BAIAP2L1: variants seen among roughly 807,000 people sequenced by gnomAD.
The protein encoded by BAIAP2L1 is BAR/IMD domain containing adaptor protein 2 like 1.
Under a neutral mutation model 66.3 loss-of-function variants are expected in BAIAP2L1, and 35 were observed. The observed-to-expected ratio is 0.53, with a 90% CI of 0.40 to 0.70. BAIAP2L1 has a LOEUF of 0.70. BAIAP2L1 is among the 30% of genes least tolerant of loss of function. The pLI is 0.00. For synonymous variants in BAIAP2L1, 269 were observed against 248.7 expected (o/e 1.08, Z -0.77); for missense variants, 622 against 656.9 (o/e 0.95, Z 0.58).
chr7:98,375,043 T>A (rs949188986), intron 1 of BAIAP2L1, among the ~76,000 whole-genome samples: 1 of 151,324 alleles, frequency 6.6e-6, no homozygotes, highest in Non-Finnish European at 1.5e-5. Context: ...GCCGAGATTG[T>A]GCCATTGCAC....
At chr7:98,343,109 T>A (rs761138924) in intron 3 of BAIAP2L1, among the ~76,000 whole-genome samples, 3 of 151,792 alleles carry the variant, frequency 2.0e-5, no homozygotes, top group Admixed American at 6.6e-5. Flanking sequence ...AATTAAACAG[T>A]GGGAGCGGCC....
At position 98,307,830 on chromosome 7, in the gene BAIAP2L1, T is replaced by C. The variant is rs1010474038; in HGVS notation, c.1022A>G (p.Lys341Arg). 2 of 1,614,244 alleles carry C rather than the reference T, an allele frequency of 1.2e-6. No homozygotes were observed. The highest frequency in any genetic ancestry group is 1.7e-6 in the Non-Finnish European group (2 of 1,180,046). The change falls in exon 10 of 14, where the codon AAG becomes AGG. Residue 341 changes from lysine to arginine, a missense_variant. Physicochemically the swap from Lys to Arg is conservative, Grantham distance 26. Transcript: ENST00000005260. Reference sequence around the variant, plus strand: ...CGGGAAGATGGTCTTCACTTTCTGCTTCTTCATCATGTTCAGTCCCGTTGC... The same window carrying C: ...CGGGAAGATGGTCTTCACTTTCTGCCTCTTCATCATGTTCAGTCCCGTTGC... ...SVATGLNMMK[K>R]QKVKTIFPHT...
At chr7:98,310,359 T>C in intron 9 of BAIAP2L1, 86 bp downstream of exon 9, 1 of 1,453,026 alleles carries the variant, frequency 6.9e-7, no homozygotes, top group East Asian at 2.4e-5. Context: ...AACCTTGCAA[T>C]ACATTTATAC....
At chr7:98,376,506 T>C (rs1802634107) in intron 1 of BAIAP2L1, among the ~76,000 whole-genome samples, 1 of 150,608 alleles carries the variant, frequency 6.6e-6, no homozygotes, top group South Asian at 2.1e-4. Flanking sequence ...GAGGGAGACC[T>C]TGTCTCAAAA....
At chr7:98,355,332 C>T in intron 2 of BAIAP2L1, 1 of 582,338 alleles carries the variant, frequency 1.7e-6, no homozygotes, top group Non-Finnish European at 3.1e-6. Context: ...CCCATGAGAT[C>T]CTCGTCTCTG....
chr7:98,328,474 C>T (rs1477961189), intron 3 of BAIAP2L1, among the ~76,000 whole-genome samples: 1 of 152,110 alleles, frequency 6.6e-6, no homozygotes, highest in Non-Finnish European at 1.5e-5. Context: ...GCCTGCTCCA[C>T]AGGCTTCGGT....
intron 1 of BAIAP2L1, among the ~76,000 whole-genome samples, chr7:98,377,896 G>A (rs1455291579): frequency 6.8e-6 from 1 of 148,026 alleles, no homozygotes; most frequent in Admixed American, 6.8e-5. Flanking sequence ...GGGAGGCCGA[G>A]ACGGGCGGAT....
chr7:98,312,149 G>A lies in BAIAP2L1; in HGVS notation c.755C>T (p.Thr252Ile). 3 of 1,613,992 alleles carry A rather than the reference G, an allele frequency of 1.9e-6. No homozygotes were observed. Among genetic ancestry groups the A allele is most frequent in the African/African-American group, 1.3e-5 (1 of 75,022 alleles). ...MIEEIKTPAS[T>I]PVSGTPQASP... The stretch of plus-strand genomic sequence containing the variant: ...AGCCTGAGGAGTTCCAGACACGGGG[G>A]TAGAGGCTGGGGTCTTTATTTCTTC... The change falls in exon 8 of 14, where the codon ACC becomes ATC. Residue 252 changes from threonine (T) to isoleucine (I), a missense_variant. Physicochemically the swap from Thr to Ile is moderately conservative, Grantham distance 89. Transcript: ENST00000005260.
At chr7:98,355,151 A>G in intron 2 of BAIAP2L1, 23 bp from the exon 3 acceptor site, 3 of 1,537,478 alleles carry the variant, frequency 2.0e-6, no homozygotes, top group Non-Finnish European at 2.7e-6. Context: ...GGTGACACAC[A>G]AAATCGTCAC....
rs896123005 is a variant in BAIAP2L1 at position 98,386,221 on chromosome 7, G to A, written c.51+14581C>T. ...ATCGGTAGTCTTGACATCAACGTGA[G>A]CTTCAATCATTGTCTGCCATTTTTT... On this transcript the variant is annotated intron_variant, in intron 1 of 13. Transcript: ENST00000005260. 4 of 1,522,610 alleles carry A rather than the reference G, an allele frequency of 2.6e-6. No individual in the cohort carries two copies. The African/African-American group carries it at 5.4e-5, about 21-fold the overall frequency. The allele number at this position is 1,522,610 out of a possible 1,614,324, so 94.3% of individuals were successfully genotyped here. A position where few individuals can be genotyped will look rare whatever the true frequency, so the allele number is the denominator to read the frequency against.
At chr7:98,361,001 TGAGCGA>T (rs1051756372) in intron 2 of BAIAP2L1, among the ~76,000 whole-genome samples, 2 of 152,212 alleles carry the variant, frequency 1.3e-5, no homozygotes, top group African/African-American at 4.8e-5. Flanking sequence ...AGGTTCATGC[TGAGCGA>T]GAGTGAGGCC....
chr7:98,350,170 A>C (rs975158391), intron 3 of BAIAP2L1, among the ~76,000 whole-genome samples: 4 of 152,006 alleles, frequency 2.6e-5, no homozygotes, highest in Admixed American at 2.6e-4. Flanking sequence ...AAAGACAAGG[A>C]TGATAAAGCG....
At chr7:98,314,174 G>C (rs1370474838) in intron 7 of BAIAP2L1, among the ~76,000 whole-genome samples, 5 of 151,492 alleles carry the variant, frequency 3.3e-5, no homozygotes, top group Admixed American at 1.3e-4. Flanking sequence ...GTAGAGACAG[G>C]GTTTCACCAT....
chr7:98,316,938 A>G (rs1037967246), intron 6 of BAIAP2L1, among the ~76,000 whole-genome samples: 2 of 150,446 alleles, frequency 1.3e-5, no homozygotes, highest in Admixed American at 1.3e-4. Flanking sequence ...ATCTCGGCTC[A>G]CTGCAACCTC....
At chr7:98,341,211 G>C (rs1413180579) in intron 3 of BAIAP2L1, among the ~76,000 whole-genome samples, 1 of 152,108 alleles carries the variant, frequency 6.6e-6, no homozygotes, top group Non-Finnish European at 1.5e-5. Context: ...CATTATAAAT[G>C]CTTCTAAGTA....
intron 1 of BAIAP2L1, among the ~76,000 whole-genome samples, chr7:98,369,848 T>C (rs1802470906): frequency 6.6e-6 from 1 of 152,006 alleles, no homozygotes; most frequent in South Asian, 2.1e-4. Flanking sequence ...ATTTTTGTTT[T>C]TTTAGTAGAG....
intron 1 of BAIAP2L1, among the ~76,000 whole-genome samples, chr7:98,366,530 C>G (rs1415840716): frequency 1.3e-5 from 2 of 152,228 alleles, no homozygotes; most frequent in African/African-American, 4.8e-5. Flanking sequence ...CATTTCCTAT[C>G]ACCCCAGATT....
rs1256790992 is a variant in BAIAP2L1 at position 98,386,325 on chromosome 7, A to C, written c.51+14477T>G. 3.1e-6 allele frequency: 5 copies of C among 1,594,352 alleles called. No homozygotes were observed. The African/African-American group carries it at 5.3e-5, about 17-fold the overall frequency. On this transcript the variant is annotated intron_variant, in intron 1 of 13. Coordinates refer to ENST00000005260, the MANE Select transcript of BAIAP2L1 (RefSeq NM_018842.5). ...GTTTTTACCCTGAACATCTTCAGTA[A>C]TCAGCCTGAATTTTCTAAATGCAAC...
At position 98,317,255 on chromosome 7, in the gene BAIAP2L1, G is replaced by T; in HGVS notation, c.450C>A (p.Ser150Arg). ...TGTGTTCATATTTGAGTGCGTTTCG[G>T]CTTCCTTGGCTTTTCCTTCTGATCT... ...LKKIRRKSQGSRNALKYEHKE... is the reference protein window; with the variant it reads ...LKKIRRKSQGRRNALKYEHKE... The change falls in exon 6 of 14, where the codon AGC becomes AGA. Residue 150 changes from serine to arginine, a missense_variant. Transcript: ENST00000005260. 6.2e-7 allele frequency: 1 copy of T among 1,614,198 alleles called. No homozygotes were observed. The highest frequency in any genetic ancestry group is 8.5e-7 in the Non-Finnish European group (1 of 1,180,032).
Sources: gnomAD v4.1 joint callset for allele counts (sites outside exome capture counted in the v4.1 genomes callset) on GRCh38, gnomAD v4.1.1 for gene constraint, MANE v1.5 for transcripts, NCBI Gene and HGNC (gene_info 2026-07-23, HGNC 2026-07-21) for gene names.